The following POLE variants were observed in gnomAD, a reference collection of about 807,000 sequenced individuals.
POLE encodes DNA polymerase epsilon, catalytic subunit.
Under a neutral mutation model 279.2 loss-of-function variants are expected in POLE, and 188 were observed. That is an observed-to-expected ratio of 0.67 (90% CI 0.60 to 0.76). POLE has a LOEUF of 0.76. Among genes scored for constraint, POLE ranks in the 30% least tolerant of loss-of-function variants. POLE has a pLI of 0.00. For synonymous variants in POLE, 1,214 were observed against 1,172.5 expected (o/e 1.04, Z -0.72); for missense variants, 2,703 against 3,016.7 (o/e 0.90, Z 2.44).
At chr12:132,644,258 C>G (rs1007702512) in intron 32 of POLE, among the ~76,000 whole-genome samples, 1 of 151,540 alleles carries the variant, frequency 6.6e-6, no homozygotes, top group Admixed American at 6.6e-5. Context: ...AACTCCTGGG[C>G]TCAAGTGGTC....
In POLE at chr12:132,641,806, A is replaced by G; in HGVS notation, c.5219T>C (p.Leu1740Pro). 2 of 1,604,582 alleles carry G rather than the reference A, an allele frequency of 1.2e-6. No individual in the cohort carries two copies. The highest frequency in any genetic ancestry group is 2.2e-5 in the South Asian group (2 of 91,082). The change falls in exon 39 of 49, where the codon CTC becomes CCC. Residue 1740 changes from leucine (L) to proline (P), a missense_variant. By Grantham distance (98) the Leu-to-Pro change is moderately conservative (BLOSUM62 -3). Around this residue, in one of 5 missense-constraint regions of POLE, gnomAD observed 1,551 missense variants for 1,686.1 expected, o/e 0.92. Transcript: ENST00000320574. ...DLQNLAVNTI[L>P]QSHHVNDMEG... ...CATGTCGTTGACATGGTGAGACTGG[A>G]GAATGGTGTTGACGGCCAGGTTCTG...
intron 45 of POLE, among the ~76,000 whole-genome samples, chr12:132,631,004 G>A (rs1386891673): frequency 6.6e-6 from 1 of 152,208 alleles, no homozygotes; most frequent in Non-Finnish European, 1.5e-5. Flanking sequence ...TACACCTACA[G>A]AATGTTTACA....
At chr12:132,662,020 TGCAGCTG>T (rs1298290954) in intron 23 of POLE, among the ~76,000 whole-genome samples, 1 of 152,226 alleles carries the variant, frequency 6.6e-6, no homozygotes, top group Non-Finnish European at 1.5e-5. Flanking sequence ...ACAAAGGGGT[TGCAGCTG>T]TTTTGTGTTG....
At chr12:132,633,055 C>T in intron 43 of POLE, 2 of 374,546 alleles carry the variant, frequency 5.3e-6, no homozygotes, top group Non-Finnish European at 9.6e-6. Flanking sequence ...CTAAGCCTCT[C>T]ACTGGGTAGC....
intron 1 of POLE, among the ~76,000 whole-genome samples, chr12:132,686,509 C>G (rs1047311933): frequency 6.6e-6 from 1 of 151,866 alleles, no homozygotes; most frequent in Admixed American, 6.6e-5. Flanking sequence ...CCGAGGCGGG[C>G]GGATCACCTG....
At position 132,643,861 on chromosome 12, in the gene POLE, G is replaced by A. The variant is rs369325608; in HGVS notation, c.4266C>T (p.Asp1422=). ...NEINAELSAP[D]IEGVYETQVP... ...CCTGAGTCTCATATACGCCCTCGATGTCTGGCGCTGACAGCTCAGCGTTGA... is the reference window on the plus strand; with the variant it reads ...CCTGAGTCTCATATACGCCCTCGATATCTGGCGCTGACAGCTCAGCGTTGA... The change falls in exon 33 of 49, where the codon GAC becomes GAT. Residue 1422 remains aspartate (D), a synonymous_variant. Coordinates refer to ENST00000320574, the MANE Select transcript of POLE (RefSeq NM_006231.4). 2 of 1,614,042 alleles carry A rather than the reference G, an allele frequency of 1.2e-6. No individual in the cohort carries two copies. Among genetic ancestry groups the A allele is most frequent in the African/African-American group, 2.7e-5 (2 of 74,940 alleles).
chr12:132,654,175 CCTTT>C (rs1250029349), intron 29 of POLE, among the ~76,000 whole-genome samples: 3 of 149,686 alleles, frequency 2.0e-5, no homozygotes, highest in African/African-American at 7.4e-5. Flanking sequence ...TTTTTTTTTT[CCTTT>C]TTCTCTTAAA....
chr12:132,629,490 C>T (rs949160283), intron 45 of POLE, among the ~76,000 whole-genome samples: 1 of 152,228 alleles, frequency 6.6e-6, no homozygotes, highest in Non-Finnish European at 1.5e-5. Context: ...GCCTCTCCAC[C>T]CGCACCTGTT....
intron 45 of POLE, among the ~76,000 whole-genome samples, chr12:132,627,476 T>A (rs1321122611): frequency 6.6e-6 from 1 of 152,084 alleles, no homozygotes; most frequent in Non-Finnish European, 1.5e-5. Flanking sequence ...ATGTTTGTAA[T>A]CGTTGTAAAG....
chr12:132,676,274 C>T, intron 9 of POLE, 70 bp from the exon 10 acceptor site: 1 of 993,010 alleles, frequency 1.0e-6, no homozygotes, highest in Non-Finnish European at 1.6e-6. Flanking sequence ...TCCCACCCTG[C>T]CCACACACTC....
Position 132,642,342 on chromosome 12 carries a change from C to G in POLE, c.5008G>C (p.Asp1670His), listed in dbSNP as rs1060500823. ...LPEDISTFGS[D>H]LFFARHLQRH... ...TGGAGGTGGCGGGCAAAGAAGAGGT[C>G]GGAGCCGAATGTGGAGATGTCCTCT... The change falls in exon 38 of 49, where the codon GAC becomes CAC. Residue 1670 changes from aspartate (D) to histidine (H), a missense_variant. Transcript: ENST00000320574. 2.5e-6 allele frequency: 4 copies of G among 1,591,074 alleles called. No individual in the cohort carries two copies. The highest frequency in any genetic ancestry group is 3.4e-6 in the Non-Finnish European group (4 of 1,167,420).
At chr12:132,659,672 TAC>T (rs559768168) in intron 25 of POLE, 163 bp from the exon 26 acceptor site, 22 of 605,334 alleles carry the variant, frequency 3.6e-5, no homozygotes, top group Non-Finnish European at 5.5e-5. Context: ...CTTTAAAACA[TAC>T]ACACACACAC....
chr12:132,652,236 T>C (rs1180855875), intron 29 of POLE, among the ~76,000 whole-genome samples: 1 of 152,134 alleles, frequency 6.6e-6, no homozygotes, highest in Non-Finnish European at 1.5e-5. Context: ...TTGTGATGTT[T>C]TTCACATGTG....
rs1404218213 is a variant in POLE, at chr12:132,660,996, G to A, written c.3033C>T (p.Asp1011=). 6.2e-7 allele frequency: 1 copy of A among 1,613,378 alleles called. No homozygotes were observed. The change falls in exon 25 of 49, where the codon GAC becomes GAT. Residue 1011 remains aspartate (D), a synonymous_variant. Transcript: ENST00000320574. ...TGCTGTACAGCACGTCCAGCCAGTA[G>A]TCAGCCACCTTGGCTACAGAGCCAT... ...EVYGSVAKVA[D]YWLDVLYSKA...
chr12:132,625,859 A>G, intron 46 of POLE, 89 bp from the exon 47 acceptor site: 2 of 1,525,944 alleles, frequency 1.3e-6, no homozygotes, highest in Admixed American at 1.9e-5. Context: ...AGGGGCTGTG[A>G]GAAGCGCCTG....
chr12:132,631,227 C>T (rs1005065320), intron 45 of POLE, among the ~76,000 whole-genome samples: 3 of 151,988 alleles, frequency 2.0e-5, no homozygotes, highest in Non-Finnish European at 4.4e-5. Flanking sequence ...ACTTATGTGA[C>T]GCTCTAGAAG....
rs2042088412 is a variant in POLE, at chr12:132,639,063, G to A, written c.5552+62C>T. The stretch of plus-strand genomic sequence containing the variant: ...CTGGCTGGCCATGTCTCTGGTTCTG[G>A]GGAGTAAGGGACCAGCCCAGCTGAG... On this transcript the variant is annotated intron_variant, in intron 40 of 48. Transcript: ENST00000320574. The surrounding 1 kb of genome is among the most constrained non-coding windows in gnomAD (Gnocchi z 4.7). 3.5e-6 allele frequency: 5 copies of A among 1,438,122 alleles called. No homozygotes were observed. Among genetic ancestry groups the A allele is most frequent in the Admixed American group, 1.7e-5 (1 of 59,120 alleles). The allele number at this position is 1,438,122 out of a possible 1,614,324, so 89.1% of individuals were successfully genotyped here. A position where few individuals can be genotyped will look rare whatever the true frequency, so the allele number is the denominator to read the frequency against.
At chr12:132,662,621 T>A (rs538869166) in intron 23 of POLE, among the ~76,000 whole-genome samples, 1 of 152,134 alleles carries the variant, frequency 6.6e-6, no homozygotes, top group South Asian at 2.1e-4. Flanking sequence ...AAGCACCCCA[T>A]CTCGGGTTTT....
Position 132,641,767 on chromosome 12 carries a change from C to T in POLE, c.5258G>A (p.Ser1753Asn). 1 of 1,610,364 alleles carries T rather than the reference C, an allele frequency of 6.2e-7. No individual in the cohort carries two copies. Among genetic ancestry groups the T allele is most frequent in the Non-Finnish European group, 8.5e-7 (1 of 1,179,992 alleles). ...HHVNDMEGAD[S>N]MGISFDVIQQ... ...GATCACGTCGAAGCTGATCCCCATGCTGTCGGCCCCCTCCATGTCGTTGAC... is the reference window on the plus strand; with the variant it reads ...GATCACGTCGAAGCTGATCCCCATGTTGTCGGCCCCCTCCATGTCGTTGAC... Residue 1753 changes from serine (S) to asparagine (N), a missense_variant, in exon 39 of 49, where the codon AGC becomes AAC. Physicochemically the swap from Ser to Asn is conservative, Grantham distance 46. This residue lies in a region of POLE where 1,551 missense variants were observed against 1,686.1 expected (regional missense o/e 0.92). Coordinates refer to ENST00000320574, the MANE Select transcript of POLE (RefSeq NM_006231.4).
Sources: gnomAD v4.1 joint callset for allele counts (sites outside exome capture counted in the v4.1 genomes callset) on GRCh38, gnomAD v4.1.1 for gene constraint, gnomAD v4.1.1 regional missense constraint, Gnocchi (gnomAD v3.1) non-coding constraint, MANE v1.5 for transcripts, NCBI Gene and HGNC (gene_info 2026-07-23, HGNC 2026-07-21) for gene names.